SKOR1: variants seen among roughly 807,000 people sequenced by gnomAD.
The protein encoded by SKOR1 is LBX1 corepressor 1.
Under a neutral mutation model 72.4 loss-of-function variants are expected in SKOR1, and 38 were observed. The ratio of observed to expected loss-of-function variants is 0.52; its 90% CI spans 0.40 to 0.69. SKOR1 has a LOEUF of 0.69. Among genes scored for constraint, SKOR1 ranks in the 30% least tolerant of loss-of-function variants. The pLI, the probability that SKOR1 is intolerant of heterozygous loss-of-function variation, is 0.00. For missense variants in SKOR1, 1,320 were observed against 1,343.2 expected (o/e 0.98, Z 0.27); for synonymous variants, 642 against 599.4 (o/e 1.07, Z -1.04).
chr15:67,826,229 A>G lies in SKOR1; in HGVS notation c.401A>G (p.Gln134Arg). 6.2e-7 allele frequency: 1 copy of G among 1,613,236 alleles called. No individual in the cohort carries two copies. The change falls in exon 2 of 9, where the codon CAG becomes CGG. Residue 134 changes from glutamine to arginine, a missense_variant. By Grantham distance (43) the Gln-to-Arg change is conservative. Around this residue, in one of 3 missense-constraint regions of SKOR1, gnomAD observed 101 missense variants for 212.8 expected, o/e 0.47. Transcript: ENST00000380035. ...ACGTGCGTGCAGTGCACGCCGGTAC[A>G]GCTGGAGATTCTGCGTCGGGCCGGG... ...GITCVQCTPVQLEILRRAGAM... is the reference protein window; with the variant it reads ...GITCVQCTPVRLEILRRAGAM...
At chr15:67,829,064 G>T (rs1309072661) in intron 2 of SKOR1, 115 bp from the exon 3 acceptor site, 1 of 896,292 alleles carries the variant, frequency 1.1e-6, no homozygotes. Flanking sequence ...TCCAGCGGGC[G>T]CACCAACCTT....
chr15:67,830,301 G>A lies in SKOR1; in HGVS notation c.2515+3G>A, dbSNP rs200300127. 1 of 1,613,896 alleles carries A rather than the reference G, an allele frequency of 6.2e-7. No homozygotes were observed. The highest frequency in any genetic ancestry group is 2.2e-5 in the East Asian group (1 of 44,876). On this transcript the variant is annotated splice_donor_region_variant and intron_variant, in intron 4 of 8. Transcript: ENST00000380035. ...AAGTCCTGCAAATACAGACAGAGGT[G>A]AGCCAGCCCTTGAACCCATCGCTCT...
rs1414415905 is a variant in SKOR1 at position 67,826,903 on chromosome 15, G to A, written c.1075G>A (p.Gly359Ser). 5 of 1,550,944 alleles carry A rather than the reference G, an allele frequency of 3.2e-6. No individual in the cohort carries two copies. Among genetic ancestry groups the A allele is most frequent in the Middle Eastern group, 1.7e-4 (1 of 5,868 alleles). The change falls in exon 2 of 9, where the codon GGC (glycine) becomes AGC (serine). Residue 359 changes from glycine to serine, a missense_variant. Coordinates refer to ENST00000380035, the MANE Select transcript of SKOR1 (RefSeq NM_001365915.1). Reference protein sequence around the residue: ...GLATGASGPAGPGGPGGGAGV... With the variant: ...GLATGASGPASPGGPGGGAGV... ...GGCGACTGGAGCTAGTGGCCCGGCG[G>A]GCCCAGGAGGGCCCGGTGGCGGCGC...
Position 67,827,920 on chromosome 15 carries a change from C to A in SKOR1, c.2092C>A (p.Pro698Thr), listed in dbSNP as rs376252769. The A allele has an allele frequency of 4.4e-6, 7 of 1,589,218 alleles. No homozygotes were observed. The African/African-American group carries it at 9.4e-5, about 21-fold the overall frequency. The change falls in exon 2 of 9, where the codon CCT (proline) becomes ACT (threonine). Residue 698 changes from proline (P) to threonine (T), a missense_variant. By Grantham distance (38) the Pro-to-Thr change is conservative. Transcript: ENST00000380035. Reference sequence around the variant, plus strand: ...AGACGGTGAACAGCCCACTGGACCCCCTTCCGCCACCTCCTCTGGCGCGGA... The same window carrying A: ...AGACGGTGAACAGCCCACTGGACCCACTTCCGCCACCTCCTCTGGCGCGGA... ...GPDGEQPTGPPSATSSGADGP... is the reference protein window; with the variant it reads ...GPDGEQPTGPTSATSSGADGP...
In SKOR1 at chr15:67,827,033, C is replaced by T; in HGVS notation, c.1205C>T (p.Ala402Val). 3 of 1,584,108 alleles carry T rather than the reference C, an allele frequency of 1.9e-6. No homozygotes were observed. Among genetic ancestry groups the T allele is most frequent in the Non-Finnish European group, 2.6e-6 (3 of 1,172,782 alleles). Reference sequence around the variant, plus strand: ...CCCCATCCTTACGGCTTCCCTACGGCCTTCGGCCTATGCCCCAAAAAGGAC... The same window carrying T: ...CCCCATCCTTACGGCTTCCCTACGGTCTTCGGCCTATGCCCCAAAAAGGAC... ...LFPHPYGFPT[A>V]FGLCPKKDDP... The change falls in exon 2 of 9, where the codon GCC (alanine) becomes GTC (valine). Residue 402 changes from alanine to valine, a missense_variant. This residue lies in a region of SKOR1 where 1,099 missense variants were observed against 1,025.5 expected (regional missense o/e 1.07). Coordinates refer to ENST00000380035, the MANE Select transcript of SKOR1 (RefSeq NM_001365915.1).
Position 67,827,735 on chromosome 15 carries a change from C to A in SKOR1, c.1907C>A (p.Pro636Gln). 2 of 1,547,198 alleles carry A rather than the reference C, an allele frequency of 1.3e-6. No individual in the cohort carries two copies. The highest frequency in any genetic ancestry group is 8.7e-7 in the Non-Finnish European group (1 of 1,145,496). ...GCTGGGAGCGGCGGCTACGTGAGCC[C>A]GGACTTTCTGAGCGAGGGCAGCTCC... ...PGAGSGGYVS[P>Q]DFLSEGSSSY... Residue 636 changes from proline to glutamine, a missense_variant, in exon 2 of 9, where the codon CCG (proline) becomes CAG (glutamine). Pro to Gln is a moderately conservative substitution (Grantham distance 76). This residue lies in a region of SKOR1 where 1,099 missense variants were observed against 1,025.5 expected (regional missense o/e 1.07). Transcript: ENST00000380035.
chr15:67,826,206 G>A lies in SKOR1; in HGVS notation c.378G>A (p.Thr126=). Residue 126 remains threonine (T), a synonymous_variant, in exon 2 of 9, where the codon ACG becomes ACA. Transcript: ENST00000380035. ...ACCGCCGCGTGGCCCTGGGCATCACGTGCGTGCAGTGCACGCCGGTACAGC... is the reference window on the plus strand; with the variant it reads ...ACCGCCGCGTGGCCCTGGGCATCACATGCGTGCAGTGCACGCCGGTACAGC... The part of the protein sequence containing the change: ...IHNRRVALGI[T]CVQCTPVQLE... The A allele has an allele frequency of 6.2e-7, 1 of 1,613,312 alleles. No individual in the cohort carries two copies. Among genetic ancestry groups the A allele is most frequent in the African/African-American group, 1.3e-5 (1 of 75,056 alleles).
At position 67,827,123 on chromosome 15, in the gene SKOR1, C is replaced by T; in HGVS notation, c.1295C>T (p.Ala432Val). The T allele has an allele frequency of 7.2e-7, 1 of 1,393,148 alleles. No homozygotes were observed. Among genetic ancestry groups the T allele is most frequent in the South Asian group, 1.8e-5 (1 of 55,948 alleles). The allele number at this position is 1,393,148 out of a possible 1,614,324, so 86.3% of individuals were successfully genotyped here. ...GGCACTGGGAGCGGCGGCGGCGGCG[C>T]GGGGACAGGCGGGGGTGCGGGGGGC... ...GPGTGSGGGGAGTGGGAGGPG... is the reference protein window; with the variant it reads ...GPGTGSGGGGVGTGGGAGGPG... The change falls in exon 2 of 9, where the codon GCG (alanine) becomes GTG (valine). Residue 432 changes from alanine to valine, a missense_variant. Transcript: ENST00000380035.
At position 67,832,827 on chromosome 15, in the gene SKOR1, T is replaced by G; in HGVS notation, c.2737+146T>G. 1.4e-6 allele frequency: 1 copy of G among 696,308 alleles called. No homozygotes were observed. Among genetic ancestry groups the G allele is most frequent in the South Asian group, 1.9e-5 (1 of 53,332 alleles). 43.1% of individuals were successfully genotyped at this position (696,308 alleles called of 1,614,324 possible). On this transcript the variant is annotated intron_variant, in intron 7 of 8. Transcript: ENST00000380035. This position sits in a 1 kb window ranked among gnomAD's most constrained non-coding sequence, Gnocchi z 4.5. ...ATTTAATATGCTTTGTATACTCTGA[T>G]TAGCCTCAGAATGGCAAGCGAGCCC...
chr15:67,827,043 A>T lies in SKOR1; in HGVS notation c.1215A>T (p.Leu405=), dbSNP rs773993668. The T allele has an allele frequency of 3.8e-6, 6 of 1,566,752 alleles. No individual in the cohort carries two copies. The African/African-American group carries it at 8.4e-5, about 22-fold the overall frequency. ...ACGGCTTCCCTACGGCCTTCGGCCTATGCCCCAAAAAGGACGACCCGGTTT... is the reference window on the plus strand; with the variant it reads ...ACGGCTTCCCTACGGCCTTCGGCCTTTGCCCCAAAAAGGACGACCCGGTTT... The part of the protein sequence containing the change: ...HPYGFPTAFG[L]CPKKDDPVLG... Residue 405 remains leucine, a synonymous_variant, in exon 2 of 9, where the codon CTA becomes CTT. Coordinates refer to ENST00000380035, the MANE Select transcript of SKOR1 (RefSeq NM_001365915.1).
intron 2 of SKOR1, 134 bp from the exon 3 acceptor site, chr15:67,829,045 C>A: frequency 1.4e-6 from 1 of 739,932 alleles, no homozygotes; most frequent in Non-Finnish European, 2.1e-6. Flanking sequence ...GTCACTGTGC[C>A]CGCTCAAGTC....
rs1057409898 is a variant in SKOR1, at chr15:67,828,095, A to G, written c.2267A>G (p.Tyr756Cys). 1.3e-6 allele frequency: 2 copies of G among 1,522,798 alleles called. No individual in the cohort carries two copies. Among genetic ancestry groups the G allele is most frequent in the African/African-American group, 2.9e-5 (2 of 70,148 alleles). The allele number at this position is 1,522,798 out of a possible 1,614,324, so 94.3% of individuals were successfully genotyped here. ...AGCCCGCCAAGCGGCGGCGGCGGCT[A>G]CGAGCTGCGAGAGCCTTGCGGGCCC... ...ERSPPSGGGG[Y>C]ELREPCGPLG... Residue 756 changes from tyrosine (Y) to cysteine (C), a missense_variant, in exon 2 of 9, where the codon TAC (tyrosine) becomes TGC (cysteine). Physicochemically the swap from Tyr to Cys is radical, Grantham distance 194. Coordinates refer to ENST00000380035, the MANE Select transcript of SKOR1 (RefSeq NM_001365915.1).
chr15:67,830,109 G>A (rs1167052325), intron 3 of SKOR1, 82 bp from the exon 4 acceptor site: 2 of 1,414,758 alleles, frequency 1.4e-6, no homozygotes, highest in Non-Finnish European at 2.0e-6. Flanking sequence ...TTAGGGCTGG[G>A]GCGCCCCGAC....
At chr15:67,831,916 T>C (rs1283778901) in intron 5 of SKOR1, among the ~76,000 whole-genome samples, 1 of 30,842 alleles carries the variant, frequency 3.2e-5, no homozygotes, top group African/African-American at 1.4e-4. Flanking sequence ...GGGGGGGAGG[T>C]CGGGGCCGGG....
intron 3 of SKOR1, among the ~76,000 whole-genome samples, chr15:67,829,509 C>T (rs1475717156): frequency 6.6e-6 from 1 of 152,264 alleles, no homozygotes; most frequent in African/African-American, 2.4e-5. Context: ...CTGCAGTACA[C>T]CCAGACACGG....
intron 3 of SKOR1, 48 bp downstream of exon 3, chr15:67,829,317 C>G: frequency 6.8e-7 from 1 of 1,460,076 alleles, no homozygotes; most frequent in Non-Finnish European, 9.2e-7. Context: ...GAACCGCAGA[C>G]AGAGGGCCGG....
Position 67,832,414 on chromosome 15 carries a change from A to G in SKOR1, c.2662+66A>G, listed in dbSNP as rs1005217637. On this transcript the variant is annotated intron_variant, in intron 6 of 8. Coordinates refer to ENST00000380035, the MANE Select transcript of SKOR1 (RefSeq NM_001365915.1). The surrounding 1 kb of genome is among the most constrained non-coding windows in gnomAD (Gnocchi z 4.5). ...GCCTTCCACCAGGGTGCCCCGACCT[A>G]CTCCGAAAGCCGGGTGCCAGGCAAC... 1.3e-6 allele frequency: 2 copies of G among 1,563,222 alleles called. No homozygotes were observed. The highest frequency in any genetic ancestry group is 1.4e-5 in the African/African-American group (1 of 73,760).
intron 2 of SKOR1, 133 bp from the exon 3 acceptor site, chr15:67,829,046 C>T: frequency 1.3e-6 from 1 of 748,380 alleles, no homozygotes. Context: ...TCACTGTGCC[C>T]GCTCAAGTCC....
intron 5 of SKOR1, among the ~76,000 whole-genome samples, chr15:67,831,806 GA>G (rs1566977238): frequency 4.6e-5 from 7 of 151,778 alleles, no homozygotes; most frequent in Admixed American, 4.0e-4. Context: ...CAGACCTCCT[GA>G]AATTGCAGGC....
Sources: gnomAD v4.1 joint callset for allele counts (sites outside exome capture counted in the v4.1 genomes callset) on GRCh38, gnomAD v4.1.1 for gene constraint, gnomAD v4.1.1 regional missense constraint, Gnocchi (gnomAD v3.1) non-coding constraint, MANE v1.5 for transcripts, NCBI Gene and HGNC (gene_info 2026-07-23, HGNC 2026-07-21) for gene names.